The following ADCY5 variants were observed in gnomAD, a reference collection of about 807,000 sequenced individuals.
ADCY5 encodes the protein adenylate cyclase 5.
ADCY5 carries 30 observed loss-of-function variants against 119.7 expected under a neutral mutation model. The ratio of observed to expected loss-of-function variants is 0.25; its 90% CI spans 0.19 to 0.34. ADCY5 has a LOEUF of 0.34. Among genes scored for constraint, ADCY5 ranks in the 10% least tolerant of loss-of-function variants. The probability of loss-of-function intolerance (pLI) is 1.00; values close to 1 mark genes in which losing one functional copy is unlikely to be tolerated. For synonymous variants in ADCY5, 753 were observed against 762.2 expected, an observed-to-expected ratio of 0.99 and a Z score of 0.20; for missense variants, 1,324 against 1,775.2, an observed-to-expected ratio of 0.75 and a Z score of 4.57.
chr3:123,342,046 T>TC (rs1174062753), intron 3 of ADCY5, among the ~76,000 whole-genome samples: 1 of 152,132 alleles, frequency 6.6e-6, no homozygotes, highest in Non-Finnish European at 1.5e-5. Context: ...TGCCTCAGCT[T>TC]CCCAGTATTC....
At chr3:123,436,511 G>A (rs1367754708) in intron 1 of ADCY5, among the ~76,000 whole-genome samples, 2 of 152,134 alleles carry the variant, frequency 1.3e-5, no homozygotes, top group African/African-American at 4.8e-5. Flanking sequence ...TTCGAGACCA[G>A]CCTGGCCAAC....
intron 1 of ADCY5, among the ~76,000 whole-genome samples, chr3:123,444,667 A>G (rs1945782746): frequency 6.6e-6 from 1 of 152,196 alleles, no homozygotes; most frequent in Non-Finnish European, 1.5e-5. Context: ...GAGGCTGAAG[A>G]AGAATAAAAT....
chr3:123,310,593 G>A (rs964776042), intron 12 of ADCY5, among the ~76,000 whole-genome samples: 4 of 152,252 alleles, frequency 2.6e-5, no homozygotes, highest in African/African-American at 7.2e-5. Flanking sequence ...GTGTGATGGT[G>A]AGCAGGGCTT....
chr3:123,385,430 TA>T (rs1944189587), intron 1 of ADCY5, among the ~76,000 whole-genome samples: 1 of 152,172 alleles, frequency 6.6e-6, no homozygotes, highest in Non-Finnish European at 1.5e-5. Flanking sequence ...CTTATTTTAT[TA>T]AAACCTTTTA....
chr3:123,423,664 A>G (rs1434249494), intron 1 of ADCY5, among the ~76,000 whole-genome samples: 1 of 152,196 alleles, frequency 6.6e-6, no homozygotes, highest in African/African-American at 2.4e-5. Flanking sequence ...CCCGTCACCA[A>G]GCCCCAAGGC....
chr3:123,325,573 T>C, intron 7 of ADCY5, 111 bp from the exon 8 acceptor site: 1 of 1,391,298 alleles, frequency 7.2e-7, no homozygotes, highest in Non-Finnish European at 1.0e-6. Context: ...AGCTGCCCTT[T>C]CCTCTCTGCA....
At chr3:123,310,842 T>C (rs1940530009) in intron 12 of ADCY5, among the ~76,000 whole-genome samples, 1 of 152,062 alleles carries the variant, frequency 6.6e-6, no homozygotes, top group Non-Finnish European at 1.5e-5. Context: ...GGCACCAAGT[T>C]AGCCCCGCTG....
At chr3:123,351,485 C>T (rs1420898454) in intron 2 of ADCY5, among the ~76,000 whole-genome samples, 2 of 152,202 alleles carry the variant, frequency 1.3e-5, no homozygotes, top group African/African-American at 4.8e-5. Flanking sequence ...TAGATGAGCT[C>T]CACTGATGCT....
At chr3:123,362,650 C>G (rs1178155184) in intron 1 of ADCY5, among the ~76,000 whole-genome samples, 1 of 152,144 alleles carries the variant, frequency 6.6e-6, no homozygotes, top group Non-Finnish European at 1.5e-5. Flanking sequence ...CCACCTTGCC[C>G]TCTAGGACTC....
intron 1 of ADCY5, among the ~76,000 whole-genome samples, chr3:123,371,656 G>C (rs917162046): frequency 6.6e-6 from 1 of 152,238 alleles, no homozygotes; most frequent in African/African-American, 2.4e-5. Context: ...GGCAAGAGCT[G>C]GGGATGAGGC....
chr3:123,295,994 G>A (rs918050645), intron 17 of ADCY5, 90 bp downstream of exon 17: 117 of 1,551,074 alleles, frequency 7.5e-5, no homozygotes, highest in South Asian at 2.7e-4. Flanking sequence ...ACGAAGGCCC[G>A]GCTTGGCCTG....
intron 2 of ADCY5, among the ~76,000 whole-genome samples, chr3:123,350,603 A>G (rs1266620402): frequency 6.6e-6 from 1 of 152,198 alleles, no homozygotes; most frequent in African/African-American, 2.4e-5. Flanking sequence ...ATCACAGGGC[A>G]CCTAGAAGCT....
In ADCY5 at chr3:123,402,351, C is replaced by T. The variant is rs114220409; in HGVS notation, c.1134+45061G>A. 5.8e-3 allele frequency among the ~76,000 whole-genome samples: 883 copies of T among 152,366 alleles called. 8 individuals carry two copies. The highest frequency in any genetic ancestry group is 0.01 in the Middle Eastern group (3 of 294). ...GAGGTGGAATGCCGGGGCTGCAGAGCATGGCTCCAACCCAGAGTTACTATT... is the reference window on the plus strand; with the variant it reads ...GAGGTGGAATGCCGGGGCTGCAGAGTATGGCTCCAACCCAGAGTTACTATT... On this transcript the variant is annotated intron_variant, in intron 1 of 20. Coordinates refer to ENST00000462833, the MANE Select transcript of ADCY5 (RefSeq NM_183357.3).
intron 1 of ADCY5, chr3:123,418,741 T>C (rs1458058644): frequency 6.6e-6 from 1 of 152,186 alleles, no homozygotes; most frequent in Non-Finnish European, 1.5e-5. Context: ...CAACGTGAGT[T>C]TCGGTGGAAA....
chr3:123,324,420 AC>A (rs1941374664), intron 8 of ADCY5, among the ~76,000 whole-genome samples: 1 of 62,446 alleles, frequency 1.6e-5, no homozygotes, highest in African/African-American at 1.1e-4. Context: ...ACACACACAC[AC>A]ACACACACAC....
intron 18 of ADCY5, among the ~76,000 whole-genome samples, chr3:123,290,555 G>T (rs1939084300): frequency 6.6e-6 from 1 of 152,246 alleles, no homozygotes; most frequent in South Asian, 2.1e-4. Context: ...TGCATCCCCA[G>T]TGCCTCCACA....
At chr3:123,423,566 A>G (rs1312690306) in intron 1 of ADCY5, among the ~76,000 whole-genome samples, 5 of 152,082 alleles carry the variant, frequency 3.3e-5, no homozygotes, top group Non-Finnish European at 7.4e-5. Flanking sequence ...CTAAGGTGCA[A>G]TACCCGTTTC....
chr3:123,328,792 C>T lies in ADCY5; in HGVS notation c.1657G>A (p.Glu553Lys). The T allele has an allele frequency of 1.9e-6, 3 of 1,614,194 alleles. No individual in the cohort carries two copies. Among genetic ancestry groups the T allele is most frequent in the Non-Finnish European group, 2.5e-6 (3 of 1,180,024 alleles). ...ATGTTCACGTTCACCCCTGTCACCTCCCGGACCAACCTGGGGATGGAGCAG... is the reference window on the plus strand; with the variant it reads ...ATGTTCACGTTCACCCCTGTCACCTTCCGGACCAACCTGGGGATGGAGCAG... ...DMIEAISLVR[E>K]VTGVNVNMRV... The change falls in exon 6 of 21, where the codon GAG (glutamate) becomes AAG (lysine). Residue 553 changes from glutamate (E) to lysine (K), a missense_variant. Coordinates refer to ENST00000462833, the MANE Select transcript of ADCY5 (RefSeq NM_183357.3).
chr3:123,284,457 A>G lies in ADCY5; in HGVS notation c.*151T>C. ...GGACAGAGGCCGCTGCCCACCAGCA[A>G]AGGCAGAAGCTGCTCTGGAGTCCAA... On this transcript the variant is annotated 3_prime_UTR_variant, in exon 21 of 21. Transcript: ENST00000462833. 1 of 1,283,468 alleles carries G rather than the reference A, an allele frequency of 7.8e-7. No individual in the cohort carries two copies. The highest frequency in any genetic ancestry group is 1.5e-5 in the African/African-American group (1 of 67,334). 79.5% of individuals were successfully genotyped at this position (1,283,468 alleles called of 1,614,324 possible).
Sources: gnomAD v4.1 joint callset for allele counts (sites outside exome capture counted in the v4.1 genomes callset) on GRCh38, gnomAD v4.1.1 for gene constraint, MANE v1.5 for transcripts, NCBI Gene and HGNC (gene_info 2026-07-23, HGNC 2026-07-21) for gene names.